The following ABI3BP variants were observed in gnomAD, a reference collection of about 807,000 sequenced individuals.
ABI3BP encodes target of Nesh-SH3.
In ABI3BP, 216 loss-of-function variants were observed where a neutral mutation model predicts 268.6. The observed-to-expected ratio is 0.80, with a 90% CI of 0.72 to 0.90. ABI3BP has a LOEUF of 0.90. Among genes scored for constraint, ABI3BP ranks in the 40% least tolerant of loss-of-function variants. ABI3BP has a pLI of 0.00. For synonymous variants in ABI3BP, 730 were observed against 730.0 expected, an observed-to-expected ratio of 1.00 and a Z score of 0.00; for missense variants, 2,090 against 2,182.4, an observed-to-expected ratio of 0.96 and a Z score of 0.84.
In ABI3BP at chr3:100,752,799, C is replaced by T. The variant is rs369382402; in HGVS notation, c.5110G>A (p.Asp1704Asn). The change falls in exon 66 of 68, where the codon GAC becomes AAC. Residue 1704 changes from aspartate to asparagine, a missense_variant. By Grantham distance (23) the Asp-to-Asn change is conservative. Transcript: ENST00000471714. The part of the protein sequence containing the change: ...NSLRYKIYLS[D>N]SLTGKFYNIG... ...TAGCTCTGCTTACCTGTGAGGGAGT[C>T]GCTCAAGTAAATCTTGTATCTGAGA... The T allele has an allele frequency of 4.2e-5, 67 of 1,612,786 alleles. No individual in the cohort carries two copies. Among genetic ancestry groups the T allele is most frequent in the Admixed American group, 1.5e-4 (9 of 59,944 alleles).
At chr3:100,769,636 A>G (rs1398304807) in intron 62 of ABI3BP, among the ~76,000 whole-genome samples, 2 of 152,222 alleles carry the variant, frequency 1.3e-5, no homozygotes, top group Non-Finnish European at 1.5e-5. Flanking sequence ...TTACTAGCAC[A>G]GTATATGAAG....
intron 1 of ABI3BP, among the ~76,000 whole-genome samples, chr3:100,934,203 A>T (rs751716422): frequency 6.6e-6 from 1 of 151,164 alleles, no homozygotes; most frequent in Non-Finnish European, 1.5e-5. Context: ...TCATTGTCCA[A>T]CTCCCACTTA....
intron 1 of ABI3BP, among the ~76,000 whole-genome samples, chr3:100,944,007 G>A (rs1339020270): frequency 1.3e-5 from 2 of 151,970 alleles, no homozygotes; most frequent in African/African-American, 4.8e-5. Flanking sequence ...TAACTTCTTA[G>A]TAGTAAGCGC....
chr3:100,853,790 A>G (rs1268953861), intron 14 of ABI3BP, among the ~76,000 whole-genome samples: 1 of 152,210 alleles, frequency 6.6e-6, no homozygotes, highest in Non-Finnish European at 1.5e-5. Flanking sequence ...ATCCTTTGGC[A>G]ACTGTGGCTC....
chr3:100,796,784 AAGTC>A (rs1161756446), intron 51 of ABI3BP, among the ~76,000 whole-genome samples: 8 of 152,094 alleles, frequency 5.3e-5, no homozygotes, highest in African/African-American at 1.2e-4. Context: ...TCAAAATAGA[AAGTC>A]AGTTTTTGCA....
intron 44 of ABI3BP, among the ~76,000 whole-genome samples, chr3:100,814,659 T>C (rs767594774): frequency 2.2e-4 from 33 of 152,144 alleles, no homozygotes; most frequent in Non-Finnish European, 4.6e-4. Flanking sequence ...GTAAAATGTG[T>C]CCTTTCTTTT....
At chr3:100,835,783 G>A in intron 27 of ABI3BP, 123 bp from the exon 28 acceptor site, 1 of 817,762 alleles carries the variant, frequency 1.2e-6, no homozygotes, top group Non-Finnish European at 1.9e-6. Flanking sequence ...TGGGAAAATA[G>A]TATTTGTTTT....
intron 7 of ABI3BP, among the ~76,000 whole-genome samples, chr3:100,876,280 G>T (rs903401055): frequency 1.3e-5 from 2 of 152,138 alleles, no homozygotes; most frequent in African/African-American, 2.4e-5. Context: ...TGTGATGGTT[G>T]CTTTGTCCTT....
intron 2 of ABI3BP, among the ~76,000 whole-genome samples, chr3:100,923,039 T>C (rs548092220): frequency 6.6e-6 from 1 of 152,118 alleles, no homozygotes; most frequent in African/African-American, 2.4e-5. Flanking sequence ...AAAGGAAATA[T>C]GTACGAGGAA....
chr3:100,775,357 G>A lies in ABI3BP; in HGVS notation c.4334-22C>T, dbSNP rs772549813. The A allele has an allele frequency of 3.0e-5, 48 of 1,588,406 alleles. 1 individual carries two copies. In the South Asian group the frequency reaches 5.3e-4, roughly 17 times the overall value. ...ATTCCTGTAAAGTAGAGCCAAAGTA[G>A]TCAGGCTTTATAGGAACACTGCCAA... On this transcript the variant is annotated intron_variant, in intron 59 of 67. Coordinates refer to ENST00000471714, the MANE Select transcript of ABI3BP (RefSeq NM_001375547.2).
At chr3:100,761,583 G>C (rs2095952071) in intron 63 of ABI3BP, among the ~76,000 whole-genome samples, 1 of 152,090 alleles carries the variant, frequency 6.6e-6, no homozygotes, top group Non-Finnish European at 1.5e-5. Flanking sequence ...TGGCAGGCTA[G>C]ATAAAAACCT....
At chr3:100,825,368 T>C (rs1414739686) in intron 35 of ABI3BP, among the ~76,000 whole-genome samples, 1 of 128,016 alleles carries the variant, frequency 7.8e-6, no homozygotes, top group Non-Finnish European at 1.6e-5. Context: ...GAAAGAAACA[T>C]ACTGGGCATT....
intron 33 of ABI3BP, 64 bp from the exon 34 acceptor site, chr3:100,828,516 A>C: frequency 7.2e-7 from 1 of 1,396,290 alleles, no homozygotes; most frequent in Non-Finnish European, 9.7e-7. Flanking sequence ...AACTCAGAAC[A>C]TTCAAAAAGA....
chr3:100,924,903 A>G (rs1051391012), intron 2 of ABI3BP, among the ~76,000 whole-genome samples: 31 of 152,172 alleles, frequency 2.0e-4, no homozygotes, highest in Admixed American at 6.6e-5. Context: ...CTAATGCTCA[A>G]TGAAAAAAGG....
At chr3:100,867,156 CTTATTAACCCTAGGTAAT>C (rs1280300022) in intron 9 of ABI3BP, among the ~76,000 whole-genome samples, 200 bp from the exon 10 acceptor site, 2 of 152,106 alleles carry the variant, frequency 1.3e-5, no homozygotes, top group Non-Finnish European at 2.9e-5. Context: ...ATAATTCTTT[CTTATTAACCCTAGGTAAT>C]TCTTTAAGAT....
At chr3:100,842,354 A>G (rs1503840) in intron 20 of ABI3BP, among the ~76,000 whole-genome samples, 2 of 151,994 alleles carry the variant, frequency 1.3e-5, no homozygotes, top group African/African-American at 4.8e-5. Flanking sequence ...CTGTCACCTG[A>G]TATTTGTTTC....
Position 100,846,386 on chromosome 3 carries a change from G to A in ABI3BP, c.1709C>T (p.Thr570Ile). The A allele has an allele frequency of 6.3e-7, 1 of 1,599,746 alleles. No individual in the cohort carries two copies. Among genetic ancestry groups the A allele is most frequent in the Non-Finnish European group, 8.5e-7 (1 of 1,172,450 alleles). ...AGGGTAATTACCAGGTTTGGTGTGT[G>A]TCACTTCTGGGCTGAGAGGGATTTT... ...KPKIPLSPEVTHTKPAPEPQT... is the reference protein window; with the variant it reads ...KPKIPLSPEVIHTKPAPEPQT... The change falls in exon 20 of 68, where the codon ACA (threonine) becomes ATA (isoleucine). Residue 570 changes from threonine (T) to isoleucine (I), a missense_variant. Transcript: ENST00000471714.
intron 15 of ABI3BP, among the ~76,000 whole-genome samples, chr3:100,851,017 T>C (rs968953372): frequency 1.3e-5 from 2 of 152,354 alleles, no homozygotes; most frequent in South Asian, 2.1e-4. Flanking sequence ...TGTTTCATAA[T>C]TGCTAACTGA....
In ABI3BP at chr3:100,824,880, A is replaced by C; in HGVS notation, c.2724T>G (p.Pro908=). 1 of 1,536,050 alleles carries C rather than the reference A, an allele frequency of 6.5e-7. No individual in the cohort carries two copies. Among genetic ancestry groups the C allele is most frequent in the Non-Finnish European group, 8.7e-7 (1 of 1,146,684 alleles). ...PRPRPKTTPS[P]QAPETKPVPA... The stretch of plus-strand genomic sequence containing the variant: ...TACCAGGTTTGGTCTCAGGTGCCTG[A>C]GGGCTCGGTGTAGTTTTAGGTCTGG... Residue 908 remains proline (P), a synonymous_variant, in exon 36 of 68, where the codon CCT becomes CCG. Transcript: ENST00000471714.
Sources: allele counts gnomAD v4.1 joint callset (sites outside exome capture counted in the v4.1 genomes callset), GRCh38; gene constraint gnomAD v4.1.1; transcripts MANE v1.5; gene names NCBI Gene and HGNC (gene_info 2026-07-23, HGNC 2026-07-21).